Variants in PPM1G observed in about 807,000 individuals in gnomAD.
PPM1G encodes protein phosphatase 1G.
PPM1G carries 12 observed loss-of-function variants against 59.4 expected under a neutral mutation model. The observed-to-expected ratio is 0.20, with a 90% CI of 0.13 to 0.33. PPM1G has a LOEUF of 0.33. Among genes scored for constraint, PPM1G ranks in the 10% least tolerant of loss-of-function variants. The probability of loss-of-function intolerance (pLI) is 1.00; values close to 1 mark genes in which losing one functional copy is unlikely to be tolerated. For missense variants in PPM1G, 392 were observed against 681.3 expected (o/e 0.58, Z 4.73); for synonymous variants, 245 against 251.9 (o/e 0.97, Z 0.26).
intron 1 of PPM1G, among the ~76,000 whole-genome samples, chr2:27,391,921 G>T (rs765975669): frequency 6.6e-6 from 1 of 151,668 alleles, no homozygotes; most frequent in Non-Finnish European, 1.5e-5. Context: ...TAGTAGAGAC[G>T]GGGTTTCACC....
intron 1 of PPM1G, chr2:27,393,115 C>A: frequency 3.0e-6 from 4 of 1,320,312 alleles, no homozygotes. Flanking sequence ...TTCTTGATAT[C>A]CTGAAGGAAG....
chr2:27,393,081 C>G lies in PPM1G; in HGVS notation c.121-5923G>C, dbSNP rs188832269. ...CATCGCATTCAGCCCGCTCTCCCAT[C>G]GCATTCTCCCCGCACAGTCTGGTTT... On this transcript the variant is annotated intron_variant, in intron 1 of 9. Coordinates refer to ENST00000344034, the MANE Select transcript of PPM1G (RefSeq NM_177983.3). 1.8e-4 allele frequency: 222 copies of G among 1,257,424 alleles called. No individual in the cohort carries two copies. In the African/African-American group the frequency reaches 3.0e-3, roughly 17 times the overall value. 77.9% of individuals were successfully genotyped at this position (1,257,424 alleles called of 1,614,324 possible).
chr2:27,405,272 C>T (rs1369560695), intron 1 of PPM1G, among the ~76,000 whole-genome samples: 1 of 151,932 alleles, frequency 6.6e-6, no homozygotes, highest in Non-Finnish European at 1.5e-5. Context: ...AGGGTTTCAC[C>T]ATATTGGCCA....
rs1490315925 is a variant in PPM1G at position 27,385,903 on chromosome 2, A to G, written c.277-24T>C. The G allele has an allele frequency of 6.2e-7, 1 of 1,604,046 alleles. No individual in the cohort carries two copies. Among genetic ancestry groups the G allele is most frequent in the Non-Finnish European group, 8.5e-7 (1 of 1,177,184 alleles). The stretch of plus-strand genomic sequence containing the variant: ...GCCTGAATATAAGCAAAATAGTCTA[A>G]GACTAGTACAAAATGAACTCCCTAT... On this transcript the variant is annotated intron_variant, in intron 3 of 9. Coordinates refer to ENST00000344034, the MANE Select transcript of PPM1G (RefSeq NM_177983.3). The surrounding 1 kb of genome is among the most constrained non-coding windows in gnomAD (Gnocchi z 4.1).
rs1377029301 is a variant in PPM1G, at chr2:27,385,384, G to C, written c.410-296C>G. The stretch of plus-strand genomic sequence containing the variant: ...AAACCCTATTCTGGCTGAGGATCCA[G>C]GAAGCCCACAATGCTACTGTGAATT... On this transcript the variant is annotated intron_variant, in intron 4 of 9. Transcript: ENST00000344034. This position sits in a 1 kb window ranked among gnomAD's most constrained non-coding sequence, Gnocchi z 4.1. The C allele has an allele frequency of 9.5e-6, 4 of 422,602 alleles. No individual in the cohort carries two copies. The highest frequency in any genetic ancestry group is 1.7e-5 in the Non-Finnish European group (4 of 239,886). 26.2% of individuals were successfully genotyped at this position (422,602 alleles called of 1,614,324 possible). A position where few individuals can be genotyped will look rare whatever the true frequency, so the allele number is the denominator to read the frequency against.
At chr2:27,408,437 A>G (rs765878346) in intron 1 of PPM1G, among the ~76,000 whole-genome samples, 9 of 152,116 alleles carry the variant, frequency 5.9e-5, no homozygotes, top group East Asian at 1.9e-4. Flanking sequence ...GTTTCACATC[A>G]AGTTTTACCT....
intron 1 of PPM1G, among the ~76,000 whole-genome samples, chr2:27,391,209 G>T (rs1483453936): frequency 6.6e-6 from 1 of 152,212 alleles, no homozygotes; most frequent in Non-Finnish European, 1.5e-5. Flanking sequence ...CCAGCCATCA[G>T]ATTGCTGGGT....
chr2:27,409,373 C>A lies in PPM1G; in HGVS notation c.50G>T (p.Gly17Val). The A allele has an allele frequency of 6.5e-7, 1 of 1,541,736 alleles. No homozygotes were observed. Among genetic ancestry groups the A allele is most frequent in the African/African-American group, 1.4e-5 (1 of 71,666 alleles). The change falls in exon 1 of 10, where the codon GGG (glycine) becomes GTG (valine). Residue 17 changes from glycine to valine, a missense_variant. Gly to Val is a moderately radical substitution (Grantham distance 109). Around this residue, in one of 6 missense-constraint regions of PPM1G, gnomAD observed 68 missense variants for 145.9 expected, o/e 0.47. Transcript: ENST00000344034. ...CAGCGGCAGGCGCGGGGCGCCGACC[C>A]CGTCCCCGGAGCACTTCACCGTGTT... ...QPNTVKCSGD[G>V]VGAPRLPLPY...
At chr2:27,387,604 G>A (rs928924320) in intron 1 of PPM1G, among the ~76,000 whole-genome samples, 1 of 151,852 alleles carries the variant, frequency 6.6e-6, no homozygotes, top group Non-Finnish European at 1.5e-5. Flanking sequence ...GGGTTCAAGC[G>A]ATTCTCCTGC....
chr2:27,393,477 G>C, intron 1 of PPM1G: 1 of 768,624 alleles, frequency 1.3e-6, no homozygotes, highest in East Asian at 2.7e-5. Flanking sequence ...GTGACGGAGG[G>C]CTGGCTATGG....
At chr2:27,393,218 C>T (rs1683960042) in intron 1 of PPM1G, 1 of 1,559,876 alleles carries the variant, frequency 6.4e-7, no homozygotes, top group East Asian at 2.2e-5. Context: ...TGGCAAAGTT[C>T]TTCAAAGCCA....
intron 1 of PPM1G, among the ~76,000 whole-genome samples, chr2:27,396,842 T>C (rs1371454846): frequency 8.8e-6 from 1 of 113,968 alleles, no homozygotes. Context: ...AGAAAAGAAA[T>C]GACTAAGATG....
chr2:27,392,615 G>C (rs370606240), intron 1 of PPM1G, among the ~76,000 whole-genome samples: 26 of 150,556 alleles, frequency 1.7e-4, no homozygotes, highest in Non-Finnish European at 3.3e-4. Context: ...TTTTTTTGGG[G>C]GGGGGGAGGG....
chr2:27,383,200 G>C lies in PPM1G; in HGVS notation c.1201+166C>G, dbSNP rs1241976296. On this transcript the variant is annotated intron_variant, in intron 7 of 9. Coordinates refer to ENST00000344034, the MANE Select transcript of PPM1G (RefSeq NM_177983.3). This position sits in a 1 kb window ranked among gnomAD's most constrained non-coding sequence, Gnocchi z 5.0. ...GGGTATAATGATACCTATGTATAAT[G>C]ATACCTCTACCCATCTTAGTTATTT... Among the ~76,000 whole-genome samples, 3 of 152,126 alleles carry C rather than the reference G, an allele frequency of 2.0e-5. No homozygotes were observed. The highest frequency in any genetic ancestry group is 4.4e-5 in the Non-Finnish European group (3 of 68,032).
intron 1 of PPM1G, among the ~76,000 whole-genome samples, chr2:27,405,175 G>C (rs1645150385): frequency 6.8e-6 from 1 of 147,974 alleles, no homozygotes; most frequent in South Asian, 2.2e-4. Context: ...CCAGGTTCAA[G>C]CGATTCTCCT....
intron 1 of PPM1G, 147 bp from the exon 2 acceptor site, chr2:27,387,305 T>C (rs1243339335): frequency 3.3e-6 from 2 of 612,298 alleles, no homozygotes; most frequent in Non-Finnish European, 5.8e-6. Context: ...ATAAAATAAA[T>C]ACAGAGGAAG....
chr2:27,381,585 G>A lies in PPM1G; in HGVS notation c.*14C>T. ...TCAGAAAACAGTCTAGGTGGGCAGG[G>A]GTCTGGATGACTGCTAGTCTCGCTT... On this transcript the variant is annotated 3_prime_UTR_variant, in exon 10 of 10. Transcript: ENST00000344034. 6.2e-7 allele frequency: 1 copy of A among 1,614,028 alleles called. No individual in the cohort carries two copies. The highest frequency in any genetic ancestry group is 8.5e-7 in the Non-Finnish European group (1 of 1,179,948).
chr2:27,400,111 G>A (rs566315557), intron 1 of PPM1G, among the ~76,000 whole-genome samples: 1 of 152,032 alleles, frequency 6.6e-6, no homozygotes, highest in East Asian at 1.9e-4. Flanking sequence ...AAAATATTAC[G>A]CTTGGCCGGG....
chr2:27,381,541 A>G lies in PPM1G; in HGVS notation c.*58T>C. On this transcript the variant is annotated 3_prime_UTR_variant, in exon 10 of 10. Coordinates refer to ENST00000344034, the MANE Select transcript of PPM1G (RefSeq NM_177983.3). Reference sequence around the variant, plus strand: ...AGGCTAAAGGAAAAAGACAAAACTCAGTCTCAGGTCCGGAGGGCTCAGAAA... The same window carrying G: ...AGGCTAAAGGAAAAAGACAAAACTCGGTCTCAGGTCCGGAGGGCTCAGAAA... 6.3e-7 allele frequency: 1 copy of G among 1,594,652 alleles called. No homozygotes were observed. Among genetic ancestry groups the G allele is most frequent in the Non-Finnish European group, 8.6e-7 (1 of 1,162,894 alleles).
Sources: gnomAD v4.1 joint callset for allele counts (sites outside exome capture counted in the v4.1 genomes callset) on GRCh38, gnomAD v4.1.1 for gene constraint, gnomAD v4.1.1 regional missense constraint, Gnocchi (gnomAD v3.1) non-coding constraint, MANE v1.5 for transcripts, NCBI Gene and HGNC (gene_info 2026-07-23, HGNC 2026-07-21) for gene names.